CALCOCO2: variants seen among roughly 807,000 people sequenced by gnomAD.
CALCOCO2 encodes calcium binding and coiled-coil domain 2, also known as calcium-binding and coiled-coil domain-containing protein 2.
Under a neutral mutation model 62.5 loss-of-function variants are expected in CALCOCO2, and 42 were observed. The observed-to-expected ratio is 0.67, with a 90% CI of 0.53 to 0.87. The LOEUF (loss-of-function observed/expected upper bound fraction) is 0.87, where lower values mean the gene tolerates loss of function less well. Ranked by LOEUF, CALCOCO2 falls within the 40% of genes least tolerant of loss-of-function variation. The probability of loss-of-function intolerance (pLI) is 0.00; values close to 1 mark genes in which losing one functional copy is unlikely to be tolerated. For synonymous variants in CALCOCO2, 167 were observed against 173.0 expected (o/e 0.97, Z 0.27); for missense variants, 456 against 515.0 (o/e 0.89, Z 1.11).
Position 48,851,580 on chromosome 17 carries a change from G to T in CALCOCO2, c.654G>T (p.Lys218Asn). ...ACAGACTGAAAGAACAAAACCAGAA[G>T]ATGTCCTCAGAAAATGAGAAGATGG... ...ELLQLKEQNQ[K>N]MSSENEKMGI... Residue 218 changes from lysine to asparagine, a missense_variant, in exon 7 of 13, where the codon AAG (lysine) becomes AAT (asparagine). Around this residue, in one of 3 missense-constraint regions of CALCOCO2, gnomAD observed 236 missense variants for 225.3 expected, o/e 1.05. Transcript: ENST00000258947. 1.2e-6 allele frequency: 2 copies of T among 1,602,202 alleles called. No individual in the cohort carries two copies. Among genetic ancestry groups the T allele is most frequent in the Non-Finnish European group, 1.7e-6 (2 of 1,169,084 alleles).
chr17:48,863,995 T>A lies in CALCOCO2; in HGVS notation c.*990T>A. ...TAAATAAAAAAGAGTGTCCTGGCAG[T>A]TATCTTGAGGTGGGGAAGGAGGTGA... On this transcript the variant is annotated 3_prime_UTR_variant, in exon 13 of 13. Coordinates refer to ENST00000258947, the MANE Select transcript of CALCOCO2 (RefSeq NM_005831.5). 2 of 151,966 alleles carry A rather than the reference T, an allele frequency of 1.3e-5. No homozygotes were observed. The allele number at this position is 151,966 out of a possible 1,614,324, so 9.4% of individuals were successfully genotyped here.
intron 1 of CALCOCO2, among the ~76,000 whole-genome samples, chr17:48,840,138 T>C (rs2039957304): frequency 1.3e-5 from 2 of 152,058 alleles, no homozygotes. Flanking sequence ...GTTGTCATTG[T>C]TATTGTTTTG....
chr17:48,852,519 C>G lies in CALCOCO2; in HGVS notation c.716C>G (p.Thr239Ser), dbSNP rs774808510. Residue 239 changes from threonine to serine, a missense_variant, in exon 8 of 13, where the codon ACT (threonine) becomes AGT (serine). Thr to Ser is a moderately conservative substitution (Grantham distance 58, BLOSUM62 1). This residue lies in a region of CALCOCO2 where 236 missense variants were observed against 225.3 expected (regional missense o/e 1.05). Transcript: ENST00000258947. Reference sequence around the variant, plus strand: ...TTTTTGTTTTAGGCCCAGCTGTCAACTCAAGAGAAAGAAATGGAGAAGCTT... The same window carrying G: ...TTTTTGTTTTAGGCCCAGCTGTCAAGTCAAGAGAAAGAAATGGAGAAGCTT... ...RVDQLQAQLS[T>S]QEKEMEKLVQ... 4.3e-6 allele frequency: 7 copies of G among 1,613,240 alleles called. No individual in the cohort carries two copies. In the African/African-American group the frequency reaches 9.4e-5, roughly 22 times the overall value.
At chr17:48,858,006 A>G (rs989598653) in intron 10 of CALCOCO2, among the ~76,000 whole-genome samples, 11 of 19,342 alleles carry the variant, frequency 5.7e-4, no homozygotes, top group Admixed American at 1.2e-3. Context: ...ATAGAATAGA[A>G]TAGAATAGAA....
Position 48,849,349 on chromosome 17 carries a change from A to G in CALCOCO2, c.515A>G (p.Asp172Gly). 1 of 1,613,616 alleles carries G rather than the reference A, an allele frequency of 6.2e-7. No homozygotes were observed. The highest frequency in any genetic ancestry group is 2.2e-5 in the East Asian group (1 of 44,884). Residue 172 changes from aspartate (D) to glycine (G), a missense_variant, in exon 5 of 13, where the codon GAC (aspartate) becomes GGC (glycine). Coordinates refer to ENST00000258947, the MANE Select transcript of CALCOCO2 (RefSeq NM_005831.5). ...SCISLQKQNS[D>G]MQAELQKKQE... ...ATCAGCCTCCAGAAGCAGAACTCAGACATGCAGGCTGAGCTCCAAAAGAAG... is the reference window on the plus strand; with the variant it reads ...ATCAGCCTCCAGAAGCAGAACTCAGGCATGCAGGCTGAGCTCCAAAAGAAG...
chr17:48,833,130 A>T (rs905471263), intron 1 of CALCOCO2, among the ~76,000 whole-genome samples: 4 of 152,238 alleles, frequency 2.6e-5, no homozygotes, highest in African/African-American at 4.8e-5. Flanking sequence ...AGGGCCATCT[A>T]CACACACCCA....
Position 48,849,246 on chromosome 17 carries a change from T to C in CALCOCO2, c.418-6T>C. On this transcript the variant is annotated splice_region_variant and splice_polypyrimidine_tract_variant and intron_variant, in intron 4 of 12. Transcript: ENST00000258947. ...GGAATATAGTTTATGGAATGTTCTT[T>C]TGTAGGGAGAGGTGGAAGAGATTGA... The C allele has an allele frequency of 6.2e-7, 1 of 1,613,446 alleles. No individual in the cohort carries two copies. The highest frequency in any genetic ancestry group is 8.5e-7 in the Non-Finnish European group (1 of 1,179,554).
intron 2 of CALCOCO2, among the ~76,000 whole-genome samples, chr17:48,847,409 A>G (rs188956814): frequency 5.1e-4 from 78 of 152,240 alleles, no homozygotes; most frequent in Non-Finnish European, 1.0e-3. Flanking sequence ...TTCCCCTTAA[A>G]TCAGTCTCAG....
chr17:48,863,014 AC>A lies in CALCOCO2; in HGVS notation c.*11del. On this transcript the variant is annotated 3_prime_UTR_variant, in exon 13 of 13. Transcript: ENST00000258947. ...TCTGCCACTCTCTCTGAGTATCCCA[AC>A]CTCTTGGATGTATACAGAGATTTTA... 6.3e-7 allele frequency: 1 copy of A among 1,592,466 alleles called. No homozygotes were observed. Among genetic ancestry groups the A allele is most frequent in the Non-Finnish European group, 8.6e-7 (1 of 1,160,384 alleles).
chr17:48,860,316 T>A lies in CALCOCO2; in HGVS notation c.1011T>A (p.Leu337=). The change falls in exon 11 of 13, where the codon CTT becomes CTA. Residue 337 remains leucine (L), a splice_region_variant and synonymous_variant. Transcript: ENST00000258947. ...GTCTATAAATCCTCTATCCTTAGCT[T>A]TTGAAGAGGGAGAACAGCAGATTGC... ...QKERLEGEND[L]LKRENSRLLS... The A allele has an allele frequency of 6.2e-7, 1 of 1,613,700 alleles. No individual in the cohort carries two copies. Among genetic ancestry groups the A allele is most frequent in the South Asian group, 1.1e-5 (1 of 91,060 alleles).
intron 1 of CALCOCO2, among the ~76,000 whole-genome samples, chr17:48,833,412 G>A (rs1009559656): frequency 1.3e-5 from 2 of 151,818 alleles, no homozygotes; most frequent in African/African-American, 2.4e-5. Flanking sequence ...AAAATTAACC[G>A]GACATGGTGG....
At chr17:48,837,520 C>T (rs2039910530) in intron 1 of CALCOCO2, among the ~76,000 whole-genome samples, 2 of 151,998 alleles carry the variant, frequency 1.3e-5, no homozygotes, top group African/African-American at 4.8e-5. Context: ...GTGGCGTGCA[C>T]CTGTAGTCCC....
intron 9 of CALCOCO2, among the ~76,000 whole-genome samples, chr17:48,855,126 GTAGTGTATGGCCAGAAAC>G (rs2040195400): frequency 6.6e-6 from 1 of 152,194 alleles, no homozygotes; most frequent in Non-Finnish European, 1.5e-5. Context: ...AAAGAGGGAT[GTAGTGTATGGCCAGAAAC>G]TAGCATGGGG....
chr17:48,854,068 C>G lies in CALCOCO2; in HGVS notation c.912+1056C>G, dbSNP rs571454640. ...CGGTGGCTCGCGCCTGTAATCCCAG[C>G]ACTTTGGGAGGCGGAGGCAGGTGGA... On this transcript the variant is annotated intron_variant, in intron 9 of 12. Coordinates refer to ENST00000258947, the MANE Select transcript of CALCOCO2 (RefSeq NM_005831.5). Among the ~76,000 whole-genome samples, 4 of 151,956 alleles carry G rather than the reference C, an allele frequency of 2.6e-5. No individual in the cohort carries two copies. In the East Asian group the frequency reaches 7.8e-4, roughly 30 times the overall value.
rs147447154 is a variant in CALCOCO2 at position 48,834,567 on chromosome 17, G to T, written c.-11+3489G>T. Among the ~76,000 whole-genome samples, 10 of 152,292 alleles carry T rather than the reference G, an allele frequency of 6.6e-5. No individual in the cohort carries two copies. In the East Asian group the frequency reaches 1.4e-3, roughly 21 times the overall value. ...AAATACCACTTTATAATTTCTAGGG[G>T]ACCTAGCTCGTCCCACTAATTTTTC... On this transcript the variant is annotated intron_variant, in intron 1 of 12. Transcript: ENST00000258947.
chr17:48,848,713 A>G (rs901604622), intron 4 of CALCOCO2: 8 of 574,254 alleles, frequency 1.4e-5, no homozygotes, highest in Admixed American at 5.3e-5. Context: ...CCAATTGCTT[A>G]ATTTTTGTCA....
intron 10 of CALCOCO2, among the ~76,000 whole-genome samples, chr17:48,857,421 T>C (rs1318844141): frequency 6.8e-6 from 1 of 147,350 alleles, no homozygotes; most frequent in African/African-American, 2.5e-5. Flanking sequence ...GGTCTCGAAC[T>C]CCTGACCTGA....
rs184769672 is a variant in CALCOCO2, at chr17:48,853,049, C to A, written c.912+37C>A. 1.3e-4 allele frequency: 182 copies of A among 1,390,590 alleles called. 2 individuals are homozygous for A. In the East Asian group the frequency reaches 3.7e-3, roughly 28 times the overall value. The allele number at this position is 1,390,590 out of a possible 1,614,324, so 86.1% of individuals were successfully genotyped here. A position where few individuals can be genotyped will look rare whatever the true frequency, so the allele number is the denominator to read the frequency against. ...TTTGGATGGTTATGTGGGAGGGAGC[C>A]TATAGGGATGTAGAAGAAAAGGATA... On this transcript the variant is annotated intron_variant, in intron 9 of 12. Transcript: ENST00000258947.
rs548646401 is a variant in CALCOCO2, at chr17:48,842,885, C to T, written c.180+998C>T. Among the ~76,000 whole-genome samples, 172 of 151,642 alleles carry T rather than the reference C, an allele frequency of 1.1e-3. 1 individual carries two copies. The highest frequency in any genetic ancestry group is 4.0e-3 in the African/African-American group (164 of 41,248). On this transcript the variant is annotated intron_variant, in intron 2 of 12. Transcript: ENST00000258947. ...TGAATTCCTGACCTTGTGATCTGCCCGCCTCAGCCTCCCAAATTAAATGCT... is the reference window on the plus strand; with the variant it reads ...TGAATTCCTGACCTTGTGATCTGCCTGCCTCAGCCTCCCAAATTAAATGCT...
Sources: allele counts gnomAD v4.1 joint callset (sites outside exome capture counted in the v4.1 genomes callset), GRCh38; gene constraint gnomAD v4.1.1; regional missense constraint gnomAD v4.1.1; transcripts MANE v1.5; gene names NCBI Gene and HGNC (gene_info 2026-07-23, HGNC 2026-07-21).